The following DDAH1 variants were observed in gnomAD, a reference collection of about 807,000 sequenced individuals.
DDAH1 encodes N(G),N(G)-dimethylarginine dimethylaminohydrolase 1.
DDAH1 carries 19 observed loss-of-function variants against 28.8 expected under a neutral mutation model. The observed-to-expected ratio is 0.66, with a 90% confidence interval of 0.46 to 0.97. DDAH1 has a LOEUF of 0.97. Among genes scored for constraint, DDAH1 ranks in the 50% least tolerant of loss-of-function variants. The probability of loss-of-function intolerance (pLI) is 0.00; values close to 1 mark genes in which losing one functional copy is unlikely to be tolerated. For synonymous variants in DDAH1, 153 were observed against 154.4 expected, an observed-to-expected ratio of 0.99 and a Z score of 0.07; for missense variants, 326 against 375.9, an observed-to-expected ratio of 0.87 and a Z score of 1.10.
chr1:85,435,360 A>G (rs1359763932), intron 1 of DDAH1: 1 of 152,232 alleles, frequency 6.6e-6, no homozygotes, highest in Non-Finnish European at 1.5e-5. Context: ...GGCAAATAAC[A>G]TGATTTTGTT....
chr1:85,338,992 A>C (rs899952340), intron 4 of DDAH1, among the ~76,000 whole-genome samples: 22 of 150,976 alleles, frequency 1.5e-4, no homozygotes, highest in Non-Finnish European at 3.2e-4. Flanking sequence ...GGTTGCCGTG[A>C]GCTAAGATCG....
At chr1:85,535,326 T>G (rs541947079) in intron 1 of DDAH1, among the ~76,000 whole-genome samples, 1 of 144,210 alleles carries the variant, frequency 6.9e-6, no homozygotes, top group African/African-American at 2.6e-5. Context: ...CAATGCTTCT[T>G]AGGAAGTTGT....
chr1:85,466,832 C>CTTTT (rs10675813), upstream of DDAH1, among the ~76,000 whole-genome samples: 16,471 of 68,932 alleles, frequency 0.24, 3,288 homozygotes, highest in Admixed American at 0.31. Flanking sequence ...ATTATTTATT[C>CTTTT]TTTTTTTTTT....
intron 1 of DDAH1, chr1:85,448,045 A>T (rs554161807): frequency 6.6e-6 from 1 of 152,478 alleles, no homozygotes; most frequent in Admixed American, 6.5e-5. Flanking sequence ...AACTTGTCCA[A>T]CCCATGGCCC....
chr1:85,472,100 A>G (rs1851782), intron 2 of DDAH1, among the ~76,000 whole-genome samples: 7,703 of 152,246 alleles, frequency 0.051, 361 homozygotes, highest in African/African-American at 0.12. Flanking sequence ...ACCTAAAAAT[A>G]TTACTCCAAC....
chr1:85,365,638 T>C (rs1650033938), intron 1 of DDAH1, among the ~76,000 whole-genome samples: 1 of 152,122 alleles, frequency 6.6e-6, no homozygotes. Context: ...AGACATTATA[T>C]ACACTCCAAA....
chr1:85,472,813 A>G (rs1655664354), intron 2 of DDAH1, among the ~76,000 whole-genome samples: 3 of 152,146 alleles, frequency 2.0e-5, no homozygotes, highest in South Asian at 4.1e-4. Context: ...TGTTGAACCC[A>G]TCATCCAAGT....
intron 1 of DDAH1, among the ~76,000 whole-genome samples, chr1:85,366,309 T>G (rs1224011370): frequency 6.6e-6 from 1 of 152,202 alleles, no homozygotes; most frequent in Non-Finnish European, 1.5e-5. Flanking sequence ...TCATTTTCCC[T>G]CTTATTGAAC....
At chr1:85,496,022 G>C (rs1024259511) in intron 2 of DDAH1, 1 of 157,362 alleles carries the variant, frequency 6.4e-6, no homozygotes, top group African/African-American at 2.4e-5. Context: ...TGAGGAAATG[G>C]ATGTTTTCTG....
intron 1 of DDAH1, among the ~76,000 whole-genome samples, chr1:85,556,086 C>CCTCCTCCTT (rs1388131444): frequency 6.6e-6 from 1 of 151,192 alleles, no homozygotes; most frequent in Non-Finnish European, 1.5e-5. Context: ...GCCGCCTCCT[C>CCTCCTCCTT]CTCCTCCTTC....
At chr1:85,547,281 T>C (rs900653996) in intron 1 of DDAH1, among the ~76,000 whole-genome samples, 5 of 152,164 alleles carry the variant, frequency 3.3e-5, no homozygotes, top group East Asian at 1.9e-4. Context: ...AGAATGCACA[T>C]TGTAGATAAA....
intron 1 of DDAH1, among the ~76,000 whole-genome samples, chr1:85,502,088 T>C (rs1203068041): frequency 6.6e-6 from 1 of 152,232 alleles, no homozygotes; most frequent in Non-Finnish European, 1.5e-5. Context: ...TAAGTATATA[T>C]GAACATACTT....
chr1:85,435,421 T>C (rs1490245853), intron 1 of DDAH1: 2 of 152,244 alleles, frequency 1.3e-5, no homozygotes, highest in Admixed American at 6.5e-5. Context: ...TCATTGAGCA[T>C]CTACTATATG....
intron 5 of DDAH1, among the ~76,000 whole-genome samples, chr1:85,323,795 A>AC (rs1661449797): frequency 6.6e-6 from 1 of 151,662 alleles, no homozygotes; most frequent in Non-Finnish European, 1.5e-5. Flanking sequence ...ACATAAGGAG[A>AC]CCCCGTCTCT....
chr1:85,556,112 TCCTCCTCCTCAC>T (rs1658960034), intron 1 of DDAH1, among the ~76,000 whole-genome samples: 1 of 150,204 alleles, frequency 6.7e-6, no homozygotes, highest in South Asian at 2.1e-4. Flanking sequence ...CTCCTTCTCC[TCCTCCTCCTCAC>T]CCTCCTTCTC....
At chr1:85,383,755 T>C (rs552248939) in intron 1 of DDAH1, among the ~76,000 whole-genome samples, 18 of 152,308 alleles carry the variant, frequency 1.2e-4, no homozygotes, top group East Asian at 1.9e-4. Flanking sequence ...GCCATCGACA[T>C]TGAGACGAGA....
chr1:85,571,954 G>A (rs772938520), intron 1 of DDAH1, among the ~76,000 whole-genome samples: 1 of 152,140 alleles, frequency 6.6e-6, no homozygotes, highest in Non-Finnish European at 1.5e-5. Context: ...GACACCTTGC[G>A]TAAGGCACAT....
At chr1:85,557,490 A>C (rs2100801123) in intron 1 of DDAH1, among the ~76,000 whole-genome samples, 1 of 152,372 alleles carries the variant, frequency 6.6e-6, no homozygotes, top group Admixed American at 6.5e-5. Flanking sequence ...ACAGCTCTTA[A>C]GTGAGAGAGC....
intron 1 of DDAH1, among the ~76,000 whole-genome samples, chr1:85,513,294 C>G (rs888712789): frequency 6.6e-6 from 1 of 152,104 alleles, no homozygotes; most frequent in African/African-American, 2.4e-5. Flanking sequence ...AACTGGCTAG[C>G]CATATGTAGA....
Sources: gnomAD v4.1 joint callset for allele counts (sites outside exome capture counted in the v4.1 genomes callset) on GRCh38, gnomAD v4.1.1 for gene constraint, MANE v1.5 for transcripts, NCBI Gene and HGNC (gene_info 2026-07-23, HGNC 2026-07-21) for gene names.